Variants in RBFOX2 observed in about 807,000 individuals in gnomAD.
RBFOX2 encodes RNA binding protein fox-1 homolog 2.
A neutral mutation model predicts 49.1 loss-of-function variants in RBFOX2; 10 were observed. That is an observed-to-expected ratio of 0.20 (90% CI 0.13 to 0.35). The LOEUF (loss-of-function observed/expected upper bound fraction) is 0.35. Ranked by LOEUF, RBFOX2 falls within the 10% of genes least tolerant of loss-of-function variation. The probability of loss-of-function intolerance (pLI) is 1.00; values close to 1 mark genes in which losing one functional copy is unlikely to be tolerated. For synonymous variants in RBFOX2, 183 were observed against 187.4 expected (o/e 0.98, Z 0.19); for missense variants, 323 against 486.9 (o/e 0.66, Z 3.17).
intron 1 of RBFOX2, among the ~76,000 whole-genome samples, chr22:35,911,315 GAT>G (rs1424834105): frequency 6.6e-6 from 1 of 152,140 alleles, no homozygotes; most frequent in African/African-American, 2.4e-5. Context: ...AAAAATGAAA[GAT>G]AGTTCTTCAC....
chr22:35,913,855 A>T (rs2050108099), intron 1 of RBFOX2, among the ~76,000 whole-genome samples: 1 of 152,044 alleles, frequency 6.6e-6, no homozygotes, highest in Non-Finnish European at 1.5e-5. Context: ...GAAAAGGGGA[A>T]TGAGGAAGGG....
chr22:35,786,603 C>T (rs1946447773), intron 2 of RBFOX2, among the ~76,000 whole-genome samples: 1 of 152,184 alleles, frequency 6.6e-6, no homozygotes, highest in Admixed American at 6.5e-5. Flanking sequence ...AACTCTAGGC[C>T]TCCCAAAGTG....
chr22:36,022,886 T>C (rs1366424807), intron 1 of RBFOX2, among the ~76,000 whole-genome samples: 6 of 152,102 alleles, frequency 3.9e-5, no homozygotes, highest in Admixed American at 2.6e-4. Flanking sequence ...TCACCAGACA[T>C]GAAATCTGCT....
Position 35,744,087 on chromosome 22 carries a change from G to T in RBFOX2, c.*108C>A, listed in dbSNP as rs576305834. 870 of 809,344 alleles carry T rather than the reference G, an allele frequency of 1.1e-3. 2 individuals are homozygous for T. The highest frequency in any genetic ancestry group is 5.1e-3 in the East Asian group (158 of 31,142). The allele number at this position is 809,344 out of a possible 1,614,324, so 50.1% of individuals were successfully genotyped here. On this transcript the variant is annotated 3_prime_UTR_variant, in exon 12 of 12. Transcript: ENST00000405409. ...TCTTTCTTTTTTTGTGTTTTTTTTTGTTTGTTTGTTTGTTTTTCCTCTTCA... is the reference window on the plus strand; with the variant it reads ...TCTTTCTTTTTTTGTGTTTTTTTTTTTTTGTTTGTTTGTTTTTCCTCTTCA...
chr22:36,005,334 A>C (rs1469237423), intron 1 of RBFOX2, among the ~76,000 whole-genome samples: 1 of 152,128 alleles, frequency 6.6e-6, no homozygotes, highest in Non-Finnish European at 1.5e-5. Context: ...TAAAATATAA[A>C]CTCCAATGAT....
At chr22:35,849,810 C>T (rs2041698155) in intron 1 of RBFOX2, among the ~76,000 whole-genome samples, 1 of 152,044 alleles carries the variant, frequency 6.6e-6, no homozygotes, top group South Asian at 2.1e-4. Flanking sequence ...GCCTCCACCC[C>T]AACAGGATTT....
At chr22:36,022,634 T>C (rs868378479) in intron 1 of RBFOX2, among the ~76,000 whole-genome samples, 2 of 152,252 alleles carry the variant, frequency 1.3e-5, no homozygotes, top group African/African-American at 2.4e-5. Flanking sequence ...ACAGGCTTAA[T>C]GTCTGTGTCC....
intron 1 of RBFOX2, among the ~76,000 whole-genome samples, chr22:36,013,646 C>CAGAGAGAG (rs200585039): frequency 1.4e-5 from 2 of 147,162 alleles, no homozygotes; most frequent in African/African-American, 2.7e-5. Context: ...CACACACACA[C>CAGAGAGAG]ACAGAGAGAG....
chr22:35,892,992 G>C (rs77107963), intron 1 of RBFOX2, among the ~76,000 whole-genome samples: 2,989 of 152,246 alleles, frequency 0.02, 30 homozygotes, highest in Non-Finnish European at 0.029. Flanking sequence ...GGCATTATTC[G>C]CTATAGCTCC....
intron 1 of RBFOX2, among the ~76,000 whole-genome samples, chr22:35,852,954 C>G (rs576872576): frequency 6.6e-6 from 1 of 152,146 alleles, no homozygotes; most frequent in Non-Finnish European, 1.5e-5. Context: ...TTAAATTCTT[C>G]TAGACTATAC....
chr22:35,758,519 T>C (rs562279836), intron 9 of RBFOX2, among the ~76,000 whole-genome samples: 4 of 152,238 alleles, frequency 2.6e-5, no homozygotes, highest in Non-Finnish European at 5.9e-5. Flanking sequence ...TAATGTTTCA[T>C]TTGAGTATTT....
intron 1 of RBFOX2, among the ~76,000 whole-genome samples, chr22:35,895,059 A>ACCCTCCCTCCGT (rs1306077544): frequency 2.9e-5 from 4 of 138,772 alleles, no homozygotes; most frequent in Non-Finnish European, 6.3e-5. Flanking sequence ...CCTCCCTCTC[A>ACCCTCCCTCCGT]CCCTCCCTCC....
intron 2 of RBFOX2, among the ~76,000 whole-genome samples, chr22:35,801,236 G>A (rs908716745): frequency 3.9e-5 from 6 of 152,054 alleles, no homozygotes; most frequent in African/African-American, 1.4e-4. Context: ...AACGCTTCCT[G>A]TCTAACTTTT....
chr22:35,818,374 A>C (rs900310272), intron 1 of RBFOX2, among the ~76,000 whole-genome samples: 3 of 152,180 alleles, frequency 2.0e-5, no homozygotes, highest in African/African-American at 7.2e-5. Context: ...GATTTACACA[A>C]TCCATGGAAA....
At chr22:35,895,887 A>G (rs1025943062) in intron 1 of RBFOX2, among the ~76,000 whole-genome samples, 1 of 152,210 alleles carries the variant, frequency 6.6e-6, no homozygotes, top group Non-Finnish European at 1.5e-5. Context: ...TCTAATTTTA[A>G]TTCAGTTCAA....
chr22:35,896,595 G>A (rs1450029352), intron 1 of RBFOX2, among the ~76,000 whole-genome samples: 2 of 152,124 alleles, frequency 1.3e-5, no homozygotes, highest in Admixed American at 6.5e-5. Flanking sequence ...CTGCCATAGT[G>A]GGGTTTCTTC....
intron 1 of RBFOX2, among the ~76,000 whole-genome samples, chr22:35,932,838 G>A (rs1442888287): frequency 6.6e-6 from 1 of 152,152 alleles, no homozygotes; most frequent in Non-Finnish European, 1.5e-5. Context: ...CCAAGATTGC[G>A]CCACTTCATT....
chr22:35,858,826 C>CAAAA (rs771614258), intron 1 of RBFOX2, among the ~76,000 whole-genome samples: 3 of 53,716 alleles, frequency 5.6e-5, no homozygotes, highest in South Asian at 6.6e-4. Context: ...GACTCTGTCT[C>CAAAA]AAAAAAAAAA....
chr22:35,897,218 G>A (rs866628050), intron 1 of RBFOX2: 38 of 1,099,336 alleles, frequency 3.5e-5, no homozygotes, highest in South Asian at 2.7e-4. Context: ...CAAACCACAC[G>A]GGCTGACCCA....
Sources: allele counts gnomAD v4.1 joint callset (sites outside exome capture counted in the v4.1 genomes callset), GRCh38; gene constraint gnomAD v4.1.1; transcripts MANE v1.5; gene names NCBI Gene and HGNC (gene_info 2026-07-23, HGNC 2026-07-21).